The following CDKAL1 variants were observed in gnomAD, a reference collection of about 807,000 sequenced individuals.
The protein encoded by CDKAL1 is threonylcarbamoyladenosine tRNA methylthiotransferase.
CDKAL1 carries 32 observed loss-of-function variants against 68.2 expected under a neutral mutation model. That is an observed-to-expected ratio of 0.47 (90% CI 0.35 to 0.63). CDKAL1 has a LOEUF of 0.63. CDKAL1 is among the 30% of genes least tolerant of loss of function. The probability of loss-of-function intolerance (pLI) is 0.00; values close to 1 mark genes in which losing one functional copy is unlikely to be tolerated. For missense variants in CDKAL1, 606 were observed against 696.7 expected (o/e 0.87, Z 1.47); for synonymous variants, 234 against 244.3 (o/e 0.96, Z 0.39).
chr6:20,919,679 G>T (rs1318946222), intron 9 of CDKAL1, among the ~76,000 whole-genome samples: 2 of 152,136 alleles, frequency 1.3e-5, no homozygotes, highest in African/African-American at 4.8e-5. Flanking sequence ...TGTTCATTTG[G>T]TATTAGCAAT....
intron 12 of CDKAL1, among the ~76,000 whole-genome samples, chr6:21,105,899 G>C (rs78209732): frequency 0.031 from 4,656 of 152,260 alleles, 167 homozygotes; most frequent in East Asian, 0.19. Flanking sequence ...TTCAATATCT[G>C]TTCTAAAAAC....
chr6:20,603,108 G>A (rs1030433122), intron 4 of CDKAL1, among the ~76,000 whole-genome samples: 4 of 152,090 alleles, frequency 2.6e-5, no homozygotes, highest in African/African-American at 9.7e-5. Flanking sequence ...TTCTTTTTCT[G>A]TGTATTATTT....
rs199800253 is a variant in CDKAL1 at position 20,636,094 on chromosome 6, A to G, written c.287-13199A>G. Among the ~76,000 whole-genome samples the G allele has an allele frequency of 1.5e-4, 23 of 152,280 alleles. No individual in the cohort carries two copies. The East Asian group carries it at 3.3e-3, about 22-fold the overall frequency. On this transcript the variant is annotated intron_variant, in intron 4 of 15. Coordinates refer to ENST00000274695, the MANE Select transcript of CDKAL1 (RefSeq NM_017774.3). ...GCATGTCTCAGATGAGGGTCTTACA[A>G]CCTGCTTCAGGGGAAGGTCAGAAAT...
chr6:20,694,499 A>G (rs990264986), intron 5 of CDKAL1, among the ~76,000 whole-genome samples: 14 of 152,144 alleles, frequency 9.2e-5, no homozygotes, highest in Non-Finnish European at 2.1e-4. Context: ...CACAGCTTGC[A>G]TATTGTCCAT....
chr6:20,826,524 G>A (rs1056183658), intron 8 of CDKAL1, among the ~76,000 whole-genome samples: 1 of 152,080 alleles, frequency 6.6e-6, no homozygotes, highest in African/African-American at 2.4e-5. Flanking sequence ...GCACACGAGT[G>A]TCTGACTCGC....
chr6:20,896,718 G>C (rs1302623234), intron 9 of CDKAL1, among the ~76,000 whole-genome samples: 1 of 152,042 alleles, frequency 6.6e-6, no homozygotes, highest in African/African-American at 2.4e-5. Context: ...TTAGGATTCT[G>C]TGTACCACTG....
At chr6:21,089,239 G>T (rs982422910) in intron 12 of CDKAL1, among the ~76,000 whole-genome samples, 1 of 152,092 alleles carries the variant, frequency 6.6e-6, no homozygotes, top group Non-Finnish European at 1.5e-5. Flanking sequence ...ACTTCGGGAG[G>T]CTGAGGTGGG....
intron 9 of CDKAL1, among the ~76,000 whole-genome samples, chr6:20,915,979 G>A (rs1239131098): frequency 6.6e-6 from 1 of 152,062 alleles, no homozygotes; most frequent in African/African-American, 2.4e-5. Flanking sequence ...TTCCTGAGGT[G>A]ACAAAACTAT....
At chr6:21,153,340 AT>A (rs1414928716) in intron 13 of CDKAL1, among the ~76,000 whole-genome samples, 1 of 151,582 alleles carries the variant, frequency 6.6e-6, no homozygotes, top group Non-Finnish European at 1.5e-5. Flanking sequence ...ACTGTAATGA[AT>A]TAACCTAATG....
intron 10 of CDKAL1, among the ~76,000 whole-genome samples, chr6:20,975,669 G>GAT (rs1765811817): frequency 1.3e-5 from 2 of 152,080 alleles, no homozygotes; most frequent in East Asian, 1.9e-4. Flanking sequence ...TGATTCTACA[G>GAT]ATATTCAATT....
chr6:20,877,905 TC>T (rs925367152), intron 9 of CDKAL1, among the ~76,000 whole-genome samples: 2 of 152,130 alleles, frequency 1.3e-5, no homozygotes, highest in African/African-American at 4.8e-5. Context: ...CCACCCCACT[TC>T]CTGCTGCTCC....
chr6:20,748,548 G>T (rs1441225144), intron 6 of CDKAL1, among the ~76,000 whole-genome samples: 6 of 87,868 alleles, frequency 6.8e-5, no homozygotes, highest in Admixed American at 1.7e-4. Context: ...GCAAGACTCT[G>T]TTTCTGGAAA....
At position 20,834,639 on chromosome 6, in the gene CDKAL1, C is replaced by G. The variant is rs186998910; in HGVS notation, c.639-11436C>G. 4.0e-3 allele frequency among the ~76,000 whole-genome samples: 614 copies of G among 152,226 alleles called. 3 individuals are homozygous for G. Among genetic ancestry groups the G allele is most frequent in the Non-Finnish European group, 6.1e-3 (416 of 68,008 alleles). ...TTCTCTTCTTTCAGACTAAGCTTATCTTTATCTAGACTAGAAAAAATAGGC... is the reference window on the plus strand; with the variant it reads ...TTCTCTTCTTTCAGACTAAGCTTATGTTTATCTAGACTAGAAAAAATAGGC... On this transcript the variant is annotated intron_variant, in intron 8 of 15. Coordinates refer to ENST00000274695, the MANE Select transcript of CDKAL1 (RefSeq NM_017774.3).
intron 13 of CDKAL1, among the ~76,000 whole-genome samples, chr6:21,189,139 C>T (rs907178910): frequency 1.3e-5 from 2 of 152,236 alleles, no homozygotes; most frequent in South Asian, 4.1e-4. Context: ...AACCAACCAG[C>T]GTGAAGAAAA....
intron 5 of CDKAL1, among the ~76,000 whole-genome samples, chr6:20,659,411 A>G (rs1396444986): frequency 2.0e-5 from 3 of 152,194 alleles, no homozygotes; most frequent in African/African-American, 7.2e-5. Context: ...TTTACCAGTC[A>G]CAATCTCCTT....
chr6:21,159,532 C>T (rs1776808784), intron 13 of CDKAL1, among the ~76,000 whole-genome samples: 1 of 152,226 alleles, frequency 6.6e-6, no homozygotes, highest in Non-Finnish European at 1.5e-5. Flanking sequence ...TATTTGATCA[C>T]TGTCCATCTC....
chr6:21,210,609 G>A (rs1172773362), intron 15 of CDKAL1, among the ~76,000 whole-genome samples: 1 of 152,096 alleles, frequency 6.6e-6, no homozygotes, highest in African/African-American at 2.4e-5. Context: ...TCACCGAAAC[G>A]AACTAAGACA....
chr6:20,964,376 A>C (rs1227411256), intron 10 of CDKAL1, among the ~76,000 whole-genome samples: 3 of 152,224 alleles, frequency 2.0e-5, no homozygotes, highest in Non-Finnish European at 2.9e-5. Context: ...TCATAGGAGC[A>C]GTATTCACAA....
At chr6:21,023,458 T>C (rs1768790875) in intron 11 of CDKAL1, among the ~76,000 whole-genome samples, 1 of 152,198 alleles carries the variant, frequency 6.6e-6, no homozygotes, top group Non-Finnish European at 1.5e-5. Flanking sequence ...TGCCTTTGTG[T>C]TCTTTCTGTA....
Sources: allele counts gnomAD v4.1 joint callset (sites outside exome capture counted in the v4.1 genomes callset), GRCh38; gene constraint gnomAD v4.1.1; transcripts MANE v1.5; gene names NCBI Gene and HGNC (gene_info 2026-07-23, HGNC 2026-07-21).